The following ATE1 variants were observed in gnomAD, a reference collection of about 807,000 sequenced individuals.
ATE1 encodes the protein arginyl-tRNA--protein transferase 1.
ATE1 carries 36 observed loss-of-function variants against 70.5 expected under a neutral mutation model. The observed-to-expected ratio is 0.51, with a 90% CI of 0.39 to 0.67. ATE1 has a LOEUF of 0.67. Among genes scored for constraint, ATE1 ranks in the 30% least tolerant of loss-of-function variants. The probability of loss-of-function intolerance (pLI) is 0.00; values close to 1 mark genes in which losing one functional copy is unlikely to be tolerated. For missense variants in ATE1, 593 were observed against 629.5 expected (o/e 0.94, Z 0.62); for synonymous variants, 232 against 219.3 (o/e 1.06, Z -0.51).
At chr10:121,815,486 A>G (rs570435904) in intron 10 of ATE1, among the ~76,000 whole-genome samples, 2 of 152,266 alleles carry the variant, frequency 1.3e-5, no homozygotes, top group African/African-American at 4.8e-5. Flanking sequence ...AAGGACCTCA[A>G]TATTTGCTAG....
chr10:121,752,206 A>G (rs1944613049), intron 11 of ATE1, among the ~76,000 whole-genome samples: 1 of 141,296 alleles, frequency 7.1e-6, no homozygotes, highest in South Asian at 2.3e-4. Context: ...CAAAAAAAAA[A>G]AGATTTACTC....
At chr10:121,915,163 C>A (rs1484174835) in intron 3 of ATE1, among the ~76,000 whole-genome samples, 1 of 152,084 alleles carries the variant, frequency 6.6e-6, no homozygotes, top group Non-Finnish European at 1.5e-5. Flanking sequence ...TAAAAAAATC[C>A]TTAGGAAGAT....
rs184151487 is a variant in ATE1, at chr10:121,777,300, T to A, written c.1378+12869A>T. 1.3e-4 allele frequency among the ~76,000 whole-genome samples: 20 copies of A among 152,344 alleles called. No individual in the cohort carries two copies. The East Asian group carries it at 3.9e-3, about 29-fold the overall frequency. On this transcript the variant is annotated intron_variant, in intron 11 of 11. Transcript: ENST00000224652. ...GTATTAGGTATAAATAATGTTAATGTGAATAGAACAATTTTGGAAGCTGTA... is the reference window on the plus strand; with the variant it reads ...GTATTAGGTATAAATAATGTTAATGAGAATAGAACAATTTTGGAAGCTGTA...
At chr10:121,760,292 C>A (rs773222105) in intron 11 of ATE1, among the ~76,000 whole-genome samples, 83 of 152,304 alleles carry the variant, frequency 5.4e-4, no homozygotes, top group Admixed American at 8.5e-4. Flanking sequence ...GCTATAGCTA[C>A]CATAAAAGTG....
chr10:121,851,971 C>T (rs574025112), intron 8 of ATE1, among the ~76,000 whole-genome samples: 1 of 152,352 alleles, frequency 6.6e-6, no homozygotes, highest in African/African-American at 2.4e-5. Context: ...TGGCTTCCAG[C>T]CAAACTGCTC....
At chr10:121,846,627 G>A (rs1948832745) in intron 8 of ATE1, 2 of 152,056 alleles carry the variant, frequency 1.3e-5, no homozygotes, top group Admixed American at 6.6e-5. Context: ...TGGTGTTTAC[G>A]ACTAACTGAT....
At chr10:121,927,725 C>T in intron 1 of ATE1, 119 bp downstream of exon 1, 1 of 1,354,914 alleles carries the variant, frequency 7.4e-7, no homozygotes, top group Non-Finnish European at 9.5e-7. Flanking sequence ...GTGCCCCCTC[C>T]GTCTCGGCCG....
At chr10:121,866,336 CTTTAAT>C (rs1396260701) in intron 8 of ATE1, among the ~76,000 whole-genome samples, 2 of 152,142 alleles carry the variant, frequency 1.3e-5, no homozygotes, top group Admixed American at 6.6e-5. Flanking sequence ...CATTGGTCAT[CTTTAAT>C]TTTGATTTCT....
At chr10:121,824,055 CAT>C (rs538602477) in intron 10 of ATE1, among the ~76,000 whole-genome samples, 100 of 152,292 alleles carry the variant, frequency 6.6e-4, no homozygotes, top group African/African-American at 2.2e-3. Flanking sequence ...AAATTCCCCA[CAT>C]GTGACAGTGT....
intron 7 of ATE1, among the ~76,000 whole-genome samples, chr10:121,882,266 G>A (rs993379697): frequency 4.0e-5 from 6 of 151,864 alleles, no homozygotes; most frequent in African/African-American, 7.3e-5. Flanking sequence ...TAATTCAGAC[G>A]AATATTTGAA....
chr10:121,766,252 A>C (rs1945272648), intron 11 of ATE1, among the ~76,000 whole-genome samples: 1 of 152,184 alleles, frequency 6.6e-6, no homozygotes, highest in African/African-American at 2.4e-5. Flanking sequence ...GACATGCTTA[A>C]TATTCTTCAT....
chr10:121,752,062 T>C (rs1175957197), intron 11 of ATE1, among the ~76,000 whole-genome samples: 12 of 150,712 alleles, frequency 8.0e-5, no homozygotes, highest in Non-Finnish European at 1.2e-4. Flanking sequence ...CCAGGCACGG[T>C]GGCGGCCGCC....
chr10:121,872,170 GCATTA>G (rs143741616), intron 7 of ATE1, among the ~76,000 whole-genome samples: 62,786 of 151,592 alleles, frequency 0.41, 13,152 homozygotes, highest in African/African-American at 0.48. Context: ...AGTAATTGAT[GCATTA>G]ATTAGCATAG....
chr10:121,789,510 G>A lies in ATE1; in HGVS notation c.1378+659C>T, dbSNP rs1320803246. On this transcript the variant is annotated intron_variant, in intron 11 of 11. Transcript: ENST00000224652. ...GAGGAGGTTTCACCATGTTGGCCAG[G>A]CTGGTCTCGAACTCCTGACCTCACG... is the stretch of plus-strand genomic sequence containing the variant. Among the ~76,000 whole-genome samples the A allele has an allele frequency of 2.0e-5, 3 of 151,910 alleles. No homozygotes were observed. The East Asian group carries it at 5.8e-4, about 29-fold the overall frequency.
intron 7 of ATE1, among the ~76,000 whole-genome samples, chr10:121,874,211 A>C (rs1298458019): frequency 6.6e-6 from 1 of 152,092 alleles, no homozygotes; most frequent in Non-Finnish European, 1.5e-5. Flanking sequence ...GTCAGTTACG[A>C]CTCTAAATTA....
intron 10 of ATE1, among the ~76,000 whole-genome samples, chr10:121,825,435 T>C (rs569242986): frequency 1.2e-4 from 18 of 152,366 alleles, no homozygotes; most frequent in African/African-American, 3.4e-4. Flanking sequence ...GTTCACACTC[T>C]GCAGGACCCT....
chr10:121,920,006 G>A (rs1951817016), intron 3 of ATE1, among the ~76,000 whole-genome samples: 1 of 151,974 alleles, frequency 6.6e-6, no homozygotes, highest in Admixed American at 6.6e-5. Context: ...AACAAGTTAA[G>A]AGCAACCAAG....
At chr10:121,893,523 C>T (rs1023199678) in intron 7 of ATE1, among the ~76,000 whole-genome samples, 10 of 151,634 alleles carry the variant, frequency 6.6e-5, no homozygotes, top group African/African-American at 2.4e-4. Context: ...ATAAAAGACA[C>T]AATTATATAA....
At chr10:121,804,652 G>A (rs1947022996) in intron 10 of ATE1, among the ~76,000 whole-genome samples, 1 of 151,870 alleles carries the variant, frequency 6.6e-6, no homozygotes, top group South Asian at 2.1e-4. Context: ...TCCATCAGCT[G>A]TTGAGCTATC....
Sources: gnomAD v4.1 joint callset for allele counts (sites outside exome capture counted in the v4.1 genomes callset) on GRCh38, gnomAD v4.1.1 for gene constraint, MANE v1.5 for transcripts, NCBI Gene and HGNC (gene_info 2026-07-23, HGNC 2026-07-21) for gene names.